TLL1: variants seen among roughly 807,000 people sequenced by gnomAD.
The protein encoded by TLL1 is tolloid like 1.
TLL1 carries 49 observed loss-of-function variants against 128.2 expected under a neutral mutation model. That is an observed-to-expected ratio of 0.38 (90% CI 0.30 to 0.48). The LOEUF is 0.48. TLL1 is among the 20% of genes least tolerant of loss of function. TLL1 has a pLI of 0.96. For missense variants in TLL1, 1,123 were observed against 1,242.0 expected, an observed-to-expected ratio of 0.90 and a Z score of 1.44; for synonymous variants, 454 against 418.8, an observed-to-expected ratio of 1.08 and a Z score of -1.03.
At chr4:165,978,004 CCAAT>C (rs1311057515) in intron 1 of TLL1, among the ~76,000 whole-genome samples, 2 of 152,124 alleles carry the variant, frequency 1.3e-5, no homozygotes, top group African/African-American at 2.4e-5. Context: ...GTGTTTCAAT[CCAAT>C]CAATTATTCT....
Position 166,102,119 on chromosome 4 carries a change from T to C in TLL1, c.*1243T>C, listed in dbSNP as rs2111170941. On this transcript the variant is annotated 3_prime_UTR_variant, in exon 21 of 21. Transcript: ENST00000061240. ...GAGTATATCATTGCAAGGGCAGCACTTGTCCTGTGGAACAACTACTTATAA... is the reference window on the plus strand; with the variant it reads ...GAGTATATCATTGCAAGGGCAGCACCTGTCCTGTGGAACAACTACTTATAA... The C allele has an allele frequency of 6.6e-6, 1 of 152,612 alleles. No homozygotes were observed. The highest frequency in any genetic ancestry group is 2.1e-4 in the South Asian group (1 of 4,832). The allele number at this position is 152,612 out of a possible 1,614,324, so 9.5% of individuals were successfully genotyped here.
chr4:165,994,593 G>A, intron 4 of TLL1, 60 bp downstream of exon 4: 13 of 1,585,898 alleles, frequency 8.2e-6, no homozygotes, highest in Non-Finnish European at 1.1e-5. Flanking sequence ...TACAGATTAA[G>A]TGTCTATTTT....
intron 1 of TLL1, among the ~76,000 whole-genome samples, chr4:165,967,449 A>C (rs1735440634): frequency 6.6e-6 from 1 of 152,240 alleles, no homozygotes; most frequent in African/African-American, 2.4e-5. Context: ...CAGAGATTGC[A>C]ATAAAGACAG....
chr4:165,970,754 A>G (rs1309404393), intron 1 of TLL1, among the ~76,000 whole-genome samples: 2 of 152,344 alleles, frequency 1.3e-5, no homozygotes, highest in East Asian at 1.9e-4. Context: ...TTGGATAACC[A>G]TATACAGGCA....
In TLL1 at chr4:166,049,692, TTAAA is replaced by T. The variant is rs374333969; in HGVS notation, c.1525-5376_1525-5373del. 6.5e-4 allele frequency among the ~76,000 whole-genome samples: 98 copies of T among 150,628 alleles called. 2 individuals are homozygous for T. The East Asian group carries it at 0.017, about 26-fold the overall frequency. ...TAAATATTACTACTAATAAATATTATTAAATAAATAAGATAATATAATTTAAAAT... is the reference window on the plus strand; with the variant it reads ...TAAATATTACTACTAATAAATATTATTAAATAAGATAATATAATTTAAAAT... On this transcript the variant is annotated intron_variant, in intron 12 of 20. Coordinates refer to ENST00000061240, the MANE Select transcript of TLL1 (RefSeq NM_012464.5).
At chr4:166,068,113 C>G (rs1177534408) in intron 16 of TLL1, among the ~76,000 whole-genome samples, 1 of 151,726 alleles carries the variant, frequency 6.6e-6, no homozygotes, top group Admixed American at 6.6e-5. Context: ...GGCTGTTTTT[C>G]AGATTGATAT....
intron 1 of TLL1, among the ~76,000 whole-genome samples, chr4:165,877,621 A>G (rs916405774): frequency 6.6e-6 from 1 of 152,220 alleles, no homozygotes; most frequent in Non-Finnish European, 1.5e-5. Context: ...TTTGTAAGTT[A>G]GTCTTCTGCC....
chr4:166,047,947 G>A (rs766359878), intron 12 of TLL1, among the ~76,000 whole-genome samples: 1 of 152,032 alleles, frequency 6.6e-6, no homozygotes, highest in Non-Finnish European at 1.5e-5. Context: ...CTATAAAAGA[G>A]GCCTAGGGGC....
At chr4:165,910,931 T>C (rs1290591465) in intron 1 of TLL1, among the ~76,000 whole-genome samples, 2 of 152,174 alleles carry the variant, frequency 1.3e-5, no homozygotes, top group Admixed American at 1.3e-4. Flanking sequence ...GGTACATATT[T>C]GTGGGGTACA....
intron 1 of TLL1, among the ~76,000 whole-genome samples, chr4:165,975,090 A>C (rs1212180599): frequency 6.6e-6 from 1 of 152,142 alleles, no homozygotes; most frequent in African/African-American, 2.4e-5. Flanking sequence ...GGAAGGAGCT[A>C]CGCCCTTATA....
At chr4:165,953,627 CATAT>C (rs55874624) in intron 1 of TLL1, among the ~76,000 whole-genome samples, 9,558 of 146,496 alleles carry the variant, frequency 0.065, 837 homozygotes, top group African/African-American at 0.2. Context: ...TTTGCTCTGT[CATAT>C]ATATATATAT....
chr4:166,017,276 T>C (rs1269558302), intron 8 of TLL1, among the ~76,000 whole-genome samples: 1 of 152,200 alleles, frequency 6.6e-6, no homozygotes, highest in Non-Finnish European at 1.5e-5. Context: ...ATTTCATTCC[T>C]TTTATAGCTG....
intron 12 of TLL1, among the ~76,000 whole-genome samples, chr4:166,049,895 G>A (rs193121449): frequency 1.1e-4 from 17 of 151,800 alleles, no homozygotes; most frequent in Admixed American, 3.3e-4. Context: ...TTCCCCCAAA[G>A]CATAAACAGC....
chr4:166,099,658 T>A, intron 20 of TLL1, 131 bp downstream of exon 20: 1 of 1,274,668 alleles, frequency 7.8e-7, no homozygotes, highest in Non-Finnish European at 1.1e-6. Context: ...CATTGTATTA[T>A]AAATGGCTTG....
chr4:165,899,744 G>T (rs1034201748), intron 1 of TLL1, among the ~76,000 whole-genome samples: 1 of 152,096 alleles, frequency 6.6e-6, no homozygotes, highest in Non-Finnish European at 1.5e-5. Flanking sequence ...AGGTCCACTT[G>T]GTCCAGAGCT....
chr4:166,011,516 G>A (rs370801809), intron 7 of TLL1, among the ~76,000 whole-genome samples: 17 of 151,378 alleles, frequency 1.1e-4, no homozygotes, highest in African/African-American at 3.1e-4. Context: ...TGGTTCTAAC[G>A]GATTTTGTGT....
Position 165,917,686 on chromosome 4 carries a change from T to C in TLL1, c.169+43613T>C, listed in dbSNP as rs1012849661. Among the ~76,000 whole-genome samples, 3 of 152,290 alleles carry C rather than the reference T, an allele frequency of 2.0e-5. No individual in the cohort carries two copies. In the East Asian group the frequency reaches 5.8e-4, roughly 29 times the overall value. On this transcript the variant is annotated intron_variant, in intron 1 of 20. Coordinates refer to ENST00000061240, the MANE Select transcript of TLL1 (RefSeq NM_012464.5). The stretch of plus-strand genomic sequence containing the variant: ...TGTGCAGTGTTTGCTCTTACAGTTG[T>C]TTACCCCAAAGCATGAGTCATCTAC...
intron 1 of TLL1, among the ~76,000 whole-genome samples, chr4:165,921,964 T>C (rs1250691122): frequency 5.9e-5 from 9 of 152,140 alleles, no homozygotes; most frequent in African/African-American, 1.4e-4. Context: ...ACCTGAATTA[T>C]ATAATGAAAA....
At chr4:165,931,702 G>GAGTA (rs1733530649) in intron 1 of TLL1, among the ~76,000 whole-genome samples, 1 of 86,914 alleles carries the variant, frequency 1.2e-5, no homozygotes, top group Non-Finnish European at 2.5e-5. Flanking sequence ...CTGGGCGACA[G>GAGTA]AGTAAGACTC....
Sources: gnomAD v4.1 joint callset for allele counts (sites outside exome capture counted in the v4.1 genomes callset) on GRCh38, gnomAD v4.1.1 for gene constraint, MANE v1.5 for transcripts, NCBI Gene and HGNC (gene_info 2026-07-23, HGNC 2026-07-21) for gene names.